Variants in THSD7A observed in about 807,000 individuals in gnomAD.
THSD7A encodes thrombospondin type 1 domain containing 7A.
Under a neutral mutation model 231.3 loss-of-function variants are expected in THSD7A, and 96 were observed. That is an observed-to-expected ratio of 0.41 (90% CI 0.35 to 0.49). THSD7A has a LOEUF of 0.49. Among genes scored for constraint, THSD7A ranks in the 20% least tolerant of loss-of-function variants. The pLI is 0.05. For synonymous variants in THSD7A, 940 were observed against 743.3 expected, an observed-to-expected ratio of 1.26 and a Z score of -4.30; for missense variants, 2,290 against 2,070.2, an observed-to-expected ratio of 1.11 and a Z score of -2.06.
rs1781933495 is a variant in THSD7A, at chr7:11,637,943, T to G, written c.191-982A>C. ...GAATCATAAAGAAACTTAAAGTTCA[T>G]GTAAGTACATGATTTTCAAAAAGTA... On this transcript the variant is annotated intron_variant, in intron 1 of 27. Coordinates refer to ENST00000423059, the MANE Select transcript of THSD7A (RefSeq NM_015204.3). The surrounding 1 kb of genome is among the most constrained non-coding windows in gnomAD (Gnocchi z 4.2). 6.6e-6 allele frequency among the ~76,000 whole-genome samples: 1 copy of G among 152,142 alleles called. No homozygotes were observed.
At chr7:11,535,923 T>A (rs1004192248) in intron 6 of THSD7A, among the ~76,000 whole-genome samples, 4 of 152,176 alleles carry the variant, frequency 2.6e-5, no homozygotes, top group African/African-American at 7.2e-5. Flanking sequence ...CCACTCTCCC[T>A]TGTACATTAC....
At chr7:11,466,591 A>T (rs1458108210) in intron 9 of THSD7A, among the ~76,000 whole-genome samples, 1 of 152,088 alleles carries the variant, frequency 6.6e-6, no homozygotes, top group Non-Finnish European at 1.5e-5. Flanking sequence ...GTGATTTTTT[A>T]AAAATCGGAG....
chr7:11,682,151 T>A (rs1783893808), intron 1 of THSD7A, among the ~76,000 whole-genome samples: 1 of 152,046 alleles, frequency 6.6e-6, no homozygotes, highest in African/African-American at 2.4e-5. Context: ...GCCACAAAAG[T>A]ACATGTAAGT....
intron 4 of THSD7A, among the ~76,000 whole-genome samples, chr7:11,553,332 T>C (rs1789711745): frequency 6.6e-6 from 1 of 152,072 alleles, no homozygotes; most frequent in Non-Finnish European, 1.5e-5. Flanking sequence ...TGAAATAGAG[T>C]ACATATTAAT....
chr7:11,582,353 T>A (rs2128338106), intron 4 of THSD7A, among the ~76,000 whole-genome samples: 1 of 152,168 alleles, frequency 6.6e-6, no homozygotes, highest in East Asian at 1.9e-4. Context: ...ACATGCATAA[T>A]GTTAGTAAAA....
chr7:11,456,241 G>C (rs889792920), intron 11 of THSD7A, among the ~76,000 whole-genome samples: 6 of 151,962 alleles, frequency 3.9e-5, no homozygotes, highest in Admixed American at 1.3e-4. Context: ...TTCTAGACAA[G>C]GGAATTTTGA....
chr7:11,546,223 C>CACACACACACACACACACACACACAA (rs371554481), intron 4 of THSD7A, among the ~76,000 whole-genome samples: 5 of 148,710 alleles, frequency 3.4e-5, no homozygotes, highest in African/African-American at 1.2e-4. Context: ...CACACACACA[C>CACACACACACACACACACACACACAA]ACACACACGT....
chr7:11,474,668 AC>A lies in THSD7A; in HGVS notation c.2018-101del, dbSNP rs1395830967. 2 of 964,188 alleles carry A rather than the reference AC, an allele frequency of 2.1e-6. No homozygotes were observed. The highest frequency in any genetic ancestry group is 3.0e-6 in the Non-Finnish European group (2 of 662,394). 59.7% of individuals were successfully genotyped at this position (964,188 alleles called of 1,614,324 possible). A position where few individuals can be genotyped will look rare whatever the true frequency, so the allele number is the denominator to read the frequency against. On this transcript the variant is annotated intron_variant, in intron 7 of 27. Transcript: ENST00000423059. The surrounding 1 kb of genome is among the most constrained non-coding windows in gnomAD (Gnocchi z 4.1). ...TAACATGGCTTAGAAATAAAAAGTG[AC>A]TTTTCTTCCCCACATCAAGTTCATA...
chr7:11,826,382 G>T (rs1426497714), intron 1 of THSD7A, among the ~76,000 whole-genome samples: 1 of 152,144 alleles, frequency 6.6e-6, no homozygotes, highest in African/African-American at 2.4e-5. Context: ...TATGACAGAA[G>T]TTGATAAAAG....
chr7:11,486,099 C>A (rs1022048386), intron 6 of THSD7A, among the ~76,000 whole-genome samples: 2 of 152,096 alleles, frequency 1.3e-5, no homozygotes, highest in African/African-American at 2.4e-5. Flanking sequence ...AACTTCATAA[C>A]TTGTCAATTC....
rs548756274 is a variant in THSD7A at position 11,732,847 on chromosome 7, G to T, written c.191-95886C>A. On this transcript the variant is annotated intron_variant, in intron 1 of 27. Transcript: ENST00000423059. ...GTTTGTAACCTGTATTCCTCATACAGATTCTTTTAAAAATGCTTTCAAACA... is the reference window on the plus strand; with the variant it reads ...GTTTGTAACCTGTATTCCTCATACATATTCTTTTAAAAATGCTTTCAAACA... 2.2e-4 allele frequency among the ~76,000 whole-genome samples: 34 copies of T among 151,882 alleles called. No homozygotes were observed. In the South Asian group the frequency reaches 4.6e-3, roughly 20 times the overall value.
intron 1 of THSD7A, among the ~76,000 whole-genome samples, chr7:11,768,875 A>G (rs1342496408): frequency 6.6e-6 from 1 of 151,644 alleles, no homozygotes; most frequent in African/African-American, 2.4e-5. Flanking sequence ...CAACCTCAGC[A>G]TCCCAAGCAT....
chr7:11,427,240 A>G (rs919349103), intron 14 of THSD7A, among the ~76,000 whole-genome samples: 6 of 152,210 alleles, frequency 3.9e-5, no homozygotes, highest in African/African-American at 1.4e-4. Context: ...CAACATTAAC[A>G]CAAAACTTTA....
At chr7:11,561,740 C>T (rs542564731) in intron 4 of THSD7A, among the ~76,000 whole-genome samples, 2 of 151,980 alleles carry the variant, frequency 1.3e-5, no homozygotes, top group Non-Finnish European at 2.9e-5. Flanking sequence ...CATGGTGGCA[C>T]ACTTGGGAGG....
intron 2 of THSD7A, among the ~76,000 whole-genome samples, chr7:11,612,847 T>C (rs1780979249): frequency 6.6e-6 from 1 of 152,216 alleles, no homozygotes; most frequent in Non-Finnish European, 1.5e-5. Context: ...TCTCTGATTA[T>C]TAGTGAGGAT....
chr7:11,799,734 T>C (rs950385287), intron 1 of THSD7A, among the ~76,000 whole-genome samples: 17 of 152,174 alleles, frequency 1.1e-4, no homozygotes, highest in African/African-American at 4.1e-4. Flanking sequence ...ACACAATTTG[T>C]TTTTTGCTTA....
chr7:11,543,281 A>C (rs1274813261), intron 4 of THSD7A, among the ~76,000 whole-genome samples, 164 bp from the exon 5 acceptor site: 1 of 152,242 alleles, frequency 6.6e-6, no homozygotes, highest in Non-Finnish European at 1.5e-5. Context: ...AAAGAGAACG[A>C]ATGGAAATAA....
At chr7:11,724,699 AAG>A (rs890826750) in intron 1 of THSD7A, among the ~76,000 whole-genome samples, 4 of 151,946 alleles carry the variant, frequency 2.6e-5, no homozygotes, top group African/African-American at 9.7e-5. Context: ...AAAATGGAAA[AAG>A]TCATTTTTAG....
chr7:11,733,897 C>T (rs1037347032), intron 1 of THSD7A, among the ~76,000 whole-genome samples: 2 of 151,516 alleles, frequency 1.3e-5, no homozygotes, highest in African/African-American at 2.4e-5. Context: ...AACCTTCTCT[C>T]CCTCTACACT....
Sources: allele counts gnomAD v4.1 joint callset (sites outside exome capture counted in the v4.1 genomes callset), GRCh38; gene constraint gnomAD v4.1.1; non-coding constraint Gnocchi (gnomAD v3.1); transcripts MANE v1.5; gene names NCBI Gene and HGNC (gene_info 2026-07-23, HGNC 2026-07-21).